Variants in PARD3B observed in about 807,000 individuals in gnomAD.
The protein encoded by PARD3B is partitioning defective 3 homolog B.
In PARD3B, 103 loss-of-function variants were observed where a neutral mutation model predicts 130.2. That is an observed-to-expected ratio of 0.79 (90% confidence interval 0.67 to 0.93). The LOEUF (loss-of-function observed/expected upper bound fraction) is 0.93, where lower values mean the gene tolerates loss of function less well. PARD3B is among the 40% of genes least tolerant of loss of function. PARD3B has a pLI of 0.00. For synonymous variants in PARD3B, 583 were observed against 553.2 expected, an observed-to-expected ratio of 1.05 and a Z score of -0.76; for missense variants, 1,609 against 1,499.2, an observed-to-expected ratio of 1.07 and a Z score of -1.21.
chr2:205,321,949 G>A lies in PARD3B; in HGVS notation c.2630+20248G>A, dbSNP rs1287464787. On this transcript the variant is annotated intron_variant, in intron 18 of 22. Transcript: ENST00000406610. The surrounding 1 kb of genome is among the most constrained non-coding windows in gnomAD (Gnocchi z 4.2). ...CCATTAAATTTGGTGCAGAGTGCTT[G>A]AATGAAATGGTGAACAGGAAAATAT... 3.3e-5 allele frequency among the ~76,000 whole-genome samples: 5 copies of A among 152,174 alleles called. No homozygotes were observed. The highest frequency in any genetic ancestry group is 1.5e-5 in the Non-Finnish European group (1 of 68,030).
intron 16 of PARD3B, among the ~76,000 whole-genome samples, chr2:205,262,317 T>C (rs917247175): frequency 6.6e-6 from 1 of 152,160 alleles, no homozygotes; most frequent in Non-Finnish European, 1.5e-5. Context: ...GTACTAGTTG[T>C]GTATTGTGGC....
chr2:204,935,349 G>A (rs1270061028), intron 2 of PARD3B, among the ~76,000 whole-genome samples: 4 of 141,994 alleles, frequency 2.8e-5, no homozygotes, highest in Admixed American at 7.2e-5. Flanking sequence ...CTAACACGGT[G>A]AAACCCTGTC....
chr2:205,577,459 G>A (rs1344975334), intron 22 of PARD3B, among the ~76,000 whole-genome samples: 5 of 152,156 alleles, frequency 3.3e-5, no homozygotes, highest in Non-Finnish European at 7.3e-5. Flanking sequence ...GGTAGGAAAT[G>A]GGAAAATACT....
At chr2:205,052,620 A>G (rs958831886) in intron 4 of PARD3B, among the ~76,000 whole-genome samples, 1 of 151,666 alleles carries the variant, frequency 6.6e-6, no homozygotes, top group Non-Finnish European at 1.5e-5. Context: ...ATAACAAAAA[A>G]TCAACCACTG....
intron 2 of PARD3B, among the ~76,000 whole-genome samples, chr2:204,787,442 C>A (rs2042051300): frequency 6.6e-6 from 1 of 152,002 alleles, no homozygotes; most frequent in Non-Finnish European, 1.5e-5. Context: ...AATATATAGT[C>A]TCAGCACCAT....
chr2:205,133,124 G>T (rs866818508), intron 10 of PARD3B, among the ~76,000 whole-genome samples: 1 of 152,084 alleles, frequency 6.6e-6, no homozygotes, highest in Non-Finnish European at 1.5e-5. Flanking sequence ...TTACAGCTGC[G>T]TGCCACAATG....
At chr2:205,528,841 T>C (rs914135860) in intron 21 of PARD3B, among the ~76,000 whole-genome samples, 1 of 120,598 alleles carries the variant, frequency 8.3e-6, no homozygotes, top group African/African-American at 2.9e-5. Flanking sequence ...TGCCAGCAAA[T>C]AGGTCATTGC....
intron 22 of PARD3B, among the ~76,000 whole-genome samples, chr2:205,574,935 G>C (rs934301813): frequency 1.3e-5 from 2 of 151,580 alleles, no homozygotes; most frequent in Non-Finnish European, 2.9e-5. Flanking sequence ...ACAAGCTGTG[G>C]CTTCATCTGT....
At chr2:204,848,745 T>G (rs1373349099) in intron 2 of PARD3B, among the ~76,000 whole-genome samples, 3 of 151,780 alleles carry the variant, frequency 2.0e-5, no homozygotes, top group Non-Finnish European at 2.9e-5. Context: ...AAGTCTGTAT[T>G]CTTAAACTAA....
At chr2:205,312,418 G>T (rs1024233237) in intron 18 of PARD3B, among the ~76,000 whole-genome samples, 6 of 152,202 alleles carry the variant, frequency 3.9e-5, no homozygotes, top group South Asian at 2.1e-4. Context: ...GCTAGGTGGA[G>T]AAATACATTG....
intron 22 of PARD3B, among the ~76,000 whole-genome samples, chr2:205,600,401 A>C (rs1388228938): frequency 6.6e-6 from 1 of 152,230 alleles, no homozygotes; most frequent in Non-Finnish European, 1.5e-5. Context: ...GCTTTCCCAC[A>C]GGTAATCCAC....
At chr2:205,212,408 A>G (rs773351662) in intron 15 of PARD3B, among the ~76,000 whole-genome samples, 51 of 152,104 alleles carry the variant, frequency 3.4e-4, no homozygotes, top group Non-Finnish European at 5.1e-4. Flanking sequence ...AGTACAGACT[A>G]TCTCATAGGT....
chr2:205,502,548 G>C (rs763428408), intron 21 of PARD3B, among the ~76,000 whole-genome samples: 1 of 152,094 alleles, frequency 6.6e-6, no homozygotes, highest in Non-Finnish European at 1.5e-5. Flanking sequence ...CAGAAATATT[G>C]TTATGAACTT....
At chr2:205,200,366 A>G (rs2036921822) in intron 15 of PARD3B, among the ~76,000 whole-genome samples, 1 of 152,206 alleles carries the variant, frequency 6.6e-6, no homozygotes, top group African/African-American at 2.4e-5. Flanking sequence ...CCTGTCTGTT[A>G]TACAAAGCAA....
intron 2 of PARD3B, among the ~76,000 whole-genome samples, chr2:204,752,953 A>G (rs1032802563): frequency 1.3e-5 from 2 of 152,222 alleles, no homozygotes; most frequent in Admixed American, 6.6e-5. Flanking sequence ...ACTGGTTTAA[A>G]GAGCAAAATC....
chr2:205,231,332 T>A (rs1341993779), intron 15 of PARD3B, among the ~76,000 whole-genome samples: 1 of 150,758 alleles, frequency 6.6e-6, no homozygotes, highest in African/African-American at 2.4e-5. Context: ...ATTAACTATT[T>A]TTTTTTTTTT....
rs1002887164 is a variant in PARD3B, at chr2:205,227,960, A to T, written c.2141-17818A>T. Among the ~76,000 whole-genome samples, 54 of 152,288 alleles carry T rather than the reference A, an allele frequency of 3.5e-4. 1 individual carries two copies. The highest frequency in any genetic ancestry group is 1.2e-3 in the African/African-American group (51 of 41,590). On this transcript the variant is annotated intron_variant, in intron 15 of 22. Coordinates refer to ENST00000406610, the MANE Select transcript of PARD3B (RefSeq NM_001302769.2). ...TGCATAAAGAAACAAACTAATAAAC[A>T]GGCAAAAAGAAGACTAATGAAAATT...
intron 3 of PARD3B, among the ~76,000 whole-genome samples, chr2:205,036,311 A>G (rs1697877286): frequency 6.8e-6 from 1 of 147,412 alleles, no homozygotes; most frequent in African/African-American, 2.5e-5. Context: ...ATAAAAATAT[A>G]TGTATATAGT....
chr2:204,663,627 C>T (rs939368180), intron 1 of PARD3B, among the ~76,000 whole-genome samples: 1 of 152,212 alleles, frequency 6.6e-6, no homozygotes, highest in Non-Finnish European at 1.5e-5. Context: ...CCTCCTCTTA[C>T]CAGCTCTTTC....
Sources: gnomAD v4.1 joint callset for allele counts (sites outside exome capture counted in the v4.1 genomes callset) on GRCh38, gnomAD v4.1.1 for gene constraint, Gnocchi (gnomAD v3.1) non-coding constraint, MANE v1.5 for transcripts, NCBI Gene and HGNC (gene_info 2026-07-23, HGNC 2026-07-21) for gene names.